SCLY: variants seen among roughly 807,000 people sequenced by gnomAD.
The protein encoded by SCLY is selenocysteine lyase.
Under a neutral mutation model 50.1 loss-of-function variants are expected in SCLY, and 38 were observed. The ratio of observed to expected loss-of-function variants is 0.76; its 90% confidence interval spans 0.59 to 0.99. The LOEUF (loss-of-function observed/expected upper bound fraction) is 0.99, where lower values mean the gene tolerates loss of function less well. Among genes scored for constraint, SCLY ranks in the 50% least tolerant of loss-of-function variants. The pLI is 0.00. For missense variants in SCLY, 600 were observed against 620.0 expected (o/e 0.97, Z 0.34); for synonymous variants, 243 against 249.4 (o/e 0.97, Z 0.24).
In SCLY at chr2:238,098,312, A is replaced by T; in HGVS notation, c.1295A>T (p.Gln432Leu). Reference protein sequence around the residue: ...TTRAEVDLVVQDLKQAVAQLE... With the variant: ...TTRAEVDLVVLDLKQAVAQLE... ...AGGGCCGAGGTGGACCTCGTCGTGCAGGACCTGAAGCAGGCCGTGGCGCAG... is the reference window on the plus strand; with the variant it reads ...AGGGCCGAGGTGGACCTCGTCGTGCTGGACCTGAAGCAGGCCGTGGCGCAG... The change falls in exon 12 of 12, where the codon CAG (glutamine) becomes CTG (leucine). Residue 432 changes from glutamine (Q) to leucine (L), a missense_variant. Gln to Leu is a moderately radical substitution (Grantham distance 113). Coordinates refer to ENST00000254663, the MANE Select transcript of SCLY (RefSeq NM_016510.7). 6.2e-7 allele frequency: 1 copy of T among 1,607,346 alleles called. No homozygotes were observed. The highest frequency in any genetic ancestry group is 2.2e-5 in the East Asian group (1 of 44,850).
At chr2:238,079,042 CCTT>C (rs2065203638) in intron 4 of SCLY, 1 of 149,144 alleles carries the variant, frequency 6.7e-6, no homozygotes, top group South Asian at 2.1e-4. Flanking sequence ...TTCCTTCCTT[CCTT>C]CTTTCTTTCT....
chr2:238,074,239 G>A (rs1450722006), intron 4 of SCLY, among the ~76,000 whole-genome samples: 1 of 151,808 alleles, frequency 6.6e-6, no homozygotes, highest in Non-Finnish European at 1.5e-5. Context: ...CCGGAAGGCG[G>A]AGGCTGTAGT....
intron 11 of SCLY, among the ~76,000 whole-genome samples, chr2:238,097,539 C>A (rs2065452329): frequency 6.6e-6 from 1 of 151,986 alleles, no homozygotes; most frequent in Admixed American, 6.5e-5. Flanking sequence ...AAGGTCAGGG[C>A]AGAGGGATTG....
chr2:238,061,375 G>A, intron 1 of SCLY: 2 of 685,464 alleles, frequency 2.9e-6, no homozygotes, highest in South Asian at 3.0e-5. Flanking sequence ...AAACCCGAGT[G>A]ACTTCCAGGG....
At chr2:238,085,452 C>G (rs184316144) in intron 7 of SCLY, among the ~76,000 whole-genome samples, 48 of 151,670 alleles carry the variant, frequency 3.2e-4, no homozygotes, top group Middle Eastern at 3.4e-3. Flanking sequence ...GGTGCTGTGG[C>G]TCACACCTGT....
At position 238,062,370 on chromosome 2, in the gene SCLY, G is replaced by A. The variant is rs571208734; in HGVS notation, c.89+1227G>A. ...TAGTACCAGAGTGGTAAAGGATGGC[G>A]AGTCAAACTTGTCAAAGCCTTGTAC... is the stretch of plus-strand genomic sequence containing the variant. On this transcript the variant is annotated intron_variant, in intron 1 of 11. Coordinates refer to ENST00000254663, the MANE Select transcript of SCLY (RefSeq NM_016510.7). Among the ~76,000 whole-genome samples the A allele has an allele frequency of 3.9e-5, 6 of 151,902 alleles. No individual in the cohort carries two copies. In the South Asian group the frequency reaches 1.0e-3, roughly 26 times the overall value.
chr2:238,071,561 A>G (rs1284757038), intron 4 of SCLY, among the ~76,000 whole-genome samples: 1 of 152,204 alleles, frequency 6.6e-6, no homozygotes, highest in African/African-American at 2.4e-5. Context: ...CAGTGAGCCA[A>G]AATCGTGCCA....
chr2:238,097,442 C>A (rs1423821200), intron 11 of SCLY, among the ~76,000 whole-genome samples: 2 of 152,074 alleles, frequency 1.3e-5, no homozygotes, highest in Admixed American at 1.3e-4. Context: ...AAACGTGAGG[C>A]CCCTGTGGGA....
In SCLY at chr2:238,083,821, A is replaced by G. The variant is rs1025393821; in HGVS notation, c.884+467A>G. Among the ~76,000 whole-genome samples the G allele has an allele frequency of 7.9e-5, 12 of 152,228 alleles. No homozygotes were observed. The highest frequency in any genetic ancestry group is 2.9e-4 in the African/African-American group (12 of 41,456). On this transcript the variant is annotated intron_variant, in intron 7 of 11. Transcript: ENST00000254663. This position sits in a 1 kb window ranked among gnomAD's most constrained non-coding sequence, Gnocchi z 4.3. ...CACCTTTTGTTAGAAACTACTTAACAAGAGAGAGAAACAGGAACAGCATGG... is the reference window on the plus strand; with the variant it reads ...CACCTTTTGTTAGAAACTACTTAACGAGAGAGAGAAACAGGAACAGCATGG...
chr2:238,083,017 G>A lies in SCLY; in HGVS notation c.778-231G>A. On this transcript the variant is annotated intron_variant, in intron 6 of 11. Coordinates refer to ENST00000254663, the MANE Select transcript of SCLY (RefSeq NM_016510.7). This position sits in a 1 kb window ranked among gnomAD's most constrained non-coding sequence, Gnocchi z 4.3. ...GGGGAGAGCTGCCTGCCACAGAGCT[G>A]AGCACGAGAGTCTAGCACCTGCGCT... The A allele has an allele frequency of 1.6e-6, 1 of 607,366 alleles. No individual in the cohort carries two copies. Among genetic ancestry groups the A allele is most frequent in the African/African-American group, 1.8e-5 (1 of 54,650 alleles). 37.6% of individuals were successfully genotyped at this position (607,366 alleles called of 1,614,324 possible).
In SCLY at chr2:238,083,466, A is replaced by G. The variant is rs2065258887; in HGVS notation, c.884+112A>G. The G allele has an allele frequency of 3.9e-6, 3 of 774,366 alleles. No individual in the cohort carries two copies. The allele number at this position is 774,366 out of a possible 1,614,324, so 48.0% of individuals were successfully genotyped here. Reference sequence around the variant, plus strand: ...CTTGGTCTCGTGGAGGCTCTGTAGCATGTCCACACTGCTGCTGTGTCAGAA... The same window carrying G: ...CTTGGTCTCGTGGAGGCTCTGTAGCGTGTCCACACTGCTGCTGTGTCAGAA... On this transcript the variant is annotated intron_variant, in intron 7 of 11. Coordinates refer to ENST00000254663, the MANE Select transcript of SCLY (RefSeq NM_016510.7). This position sits in a 1 kb window ranked among gnomAD's most constrained non-coding sequence, Gnocchi z 4.3.
chr2:238,095,381 A>C (rs1255958542), intron 10 of SCLY: 1 of 152,184 alleles, frequency 6.6e-6, no homozygotes, highest in Non-Finnish European at 1.5e-5. Flanking sequence ...GCCGCATGTC[A>C]TTTGGGAGGA....
At position 238,099,046 on chromosome 2, in the gene SCLY, A is replaced by C. The variant is rs1691381664; in HGVS notation, c.*691A>C. 1 of 342,140 alleles carries C rather than the reference A, an allele frequency of 2.9e-6. No individual in the cohort carries two copies. The highest frequency in any genetic ancestry group is 5.7e-6 in the Non-Finnish European group (1 of 175,050). The allele number at this position is 342,140 out of a possible 1,614,324, so 21.2% of individuals were successfully genotyped here. On this transcript the variant is annotated 3_prime_UTR_variant, in exon 12 of 12. Coordinates refer to ENST00000254663, the MANE Select transcript of SCLY (RefSeq NM_016510.7). ...CCCCGAGCCTGACCCTGTTCCGCCC[A>C]CTGGCAATCAGGGCTGCGCACTTCC...
At position 238,098,687 on chromosome 2, in the gene SCLY, A is replaced by T. The variant is rs1210183945; in HGVS notation, c.*332A>T. The T allele has an allele frequency of 2.4e-6, 1 of 419,772 alleles. No individual in the cohort carries two copies. The highest frequency in any genetic ancestry group is 9.5e-5 in the South Asian group (1 of 10,508). The allele number at this position is 419,772 out of a possible 1,614,324, so 26.0% of individuals were successfully genotyped here. A position where few individuals can be genotyped will look rare whatever the true frequency, so the allele number is the denominator to read the frequency against. On this transcript the variant is annotated 3_prime_UTR_variant, in exon 12 of 12. Transcript: ENST00000254663. ...GAACCGTCCTCCAGTGGTGAAGCGG[A>T]AACACTTAGCTTTATCCACCCTCCC...
chr2:238,096,804 ACGTGGTGCTTG>A lies in SCLY; in HGVS notation c.1115_1125del (p.Val372AlafsTer103). On this transcript the variant is annotated frameshift_variant, in exon 11 of 12. Coordinates refer to ENST00000254663, the MANE Select transcript of SCLY (RefSeq NM_016510.7). LOFTEE classifies it high-confidence loss of function. ...GGCATGTGCTCTGTCTCCGCAGGCCACGTGGTGCTTGCGCAGTGCCGAGTGCTGATGGCCAG... is the reference window on the plus strand; with the variant it reads ...GGCATGTGCTCTGTCTCCGCAGGCCACGCAGTGCCGAGTGCTGATGGCCAG... 1 of 1,609,636 alleles carries A rather than the reference ACGTGGTGCTTG, an allele frequency of 6.2e-7. No individual in the cohort carries two copies. Among genetic ancestry groups the A allele is most frequent in the Non-Finnish European group, 8.5e-7 (1 of 1,178,516 alleles).
intron 10 of SCLY, 131 bp downstream of exon 10, chr2:238,094,653 G>A (rs1326679076): frequency 5.2e-6 from 4 of 769,436 alleles, no homozygotes; most frequent in Non-Finnish European, 8.6e-6. Context: ...AGAGGGCCTT[G>A]CTGGGGTTGC....
At chr2:238,073,700 G>T in intron 4 of SCLY, 1 of 464,046 alleles carries the variant, frequency 2.2e-6, no homozygotes, top group Non-Finnish European at 4.4e-6. Context: ...AACTCTGTGG[G>T]TCTACTTATA....
rs1553568573 is a variant in SCLY at position 238,098,581 on chromosome 2, C to CCGCCCACATGGGAACGCCCACATAGGAT, written c.*235_*236insGGGAACGCCCACATAGGATCGCCCACAT. On this transcript the variant is annotated 3_prime_UTR_variant, in exon 12 of 12. Transcript: ENST00000254663. Reference sequence around the variant, plus strand: ...GCCGCATAGGACTGCCCACATGGGACCGCCCACATAGGACCGCCCACATAG... The same window carrying CCGCCCACATGGGAACGCCCACATAGGAT: ...GCCGCATAGGACTGCCCACATGGGACCGCCCACATGGGAACGCCCACATAGGATCGCCCACATAGGACCGCCCACATAG... 3.1e-6 allele frequency: 1 copy of CCGCCCACATGGGAACGCCCACATAGGAT among 321,900 alleles called. No homozygotes were observed. Among genetic ancestry groups the CCGCCCACATGGGAACGCCCACATAGGAT allele is most frequent in the Admixed American group, 5.5e-5 (1 of 18,292 alleles). The allele number at this position is 321,900 out of a possible 1,614,324, so 19.9% of individuals were successfully genotyped here.
rs1318834362 is a variant in SCLY, at chr2:238,093,921, G to A, written c.982G>A (p.Asp328Asn). The change falls in exon 9 of 12, where the codon GAC (aspartate) becomes AAC (asparagine). Residue 328 changes from aspartate (D) to asparagine (N), a missense_variant. Transcript: ENST00000254663. The part of the protein sequence containing the change: ...AYEAHMRDVR[D>N]YLEERLEAEF... The stretch of plus-strand genomic sequence containing the variant: ...TGAGGCCCACATGAGGGACGTCCGC[G>A]ACTACCTGGAAGAGAGGCTGGAAGT... 23 of 1,613,750 alleles carry A rather than the reference G, an allele frequency of 1.4e-5. No individual in the cohort carries two copies. The highest frequency in any genetic ancestry group is 1.9e-5 in the Non-Finnish European group (22 of 1,179,986).
Sources: gnomAD v4.1 joint callset for allele counts (sites outside exome capture counted in the v4.1 genomes callset) on GRCh38, gnomAD v4.1.1 for gene constraint, Gnocchi (gnomAD v3.1) non-coding constraint, MANE v1.5 for transcripts, NCBI Gene and HGNC (gene_info 2026-07-23, HGNC 2026-07-21) for gene names.